Variants in RAP1GDS1 observed in about 807,000 individuals in gnomAD.
RAP1GDS1 encodes Rap1 GTPase-GDP dissociation stimulator 1.
A neutral mutation model predicts 71.1 loss-of-function variants in RAP1GDS1; 35 were observed. The ratio of observed to expected loss-of-function variants is 0.49; its 90% CI spans 0.38 to 0.65. RAP1GDS1 has a LOEUF of 0.65. Among genes scored for constraint, RAP1GDS1 ranks in the 30% least tolerant of loss-of-function variants. The probability of loss-of-function intolerance (pLI) is 0.00; values close to 1 mark genes in which losing one functional copy is unlikely to be tolerated. For missense variants in RAP1GDS1, 663 were observed against 706.1 expected (o/e 0.94, Z 0.69); for synonymous variants, 229 against 243.1 (o/e 0.94, Z 0.54).
At chr4:98,347,547 T>C (rs181630478) in intron 3 of RAP1GDS1, among the ~76,000 whole-genome samples, 53 of 152,226 alleles carry the variant, frequency 3.5e-4, no homozygotes, top group Non-Finnish European at 6.3e-4. Flanking sequence ...TTCTATGTTG[T>C]GTAGGCAAAT....
At chr4:98,345,259 T>C (rs1276509023) in intron 3 of RAP1GDS1, among the ~76,000 whole-genome samples, 1 of 152,190 alleles carries the variant, frequency 6.6e-6, no homozygotes, top group Non-Finnish European at 1.5e-5. Flanking sequence ...AACCAGAGAA[T>C]ATGAGGTTGG....
At chr4:98,299,913 C>T (rs1025182421) in intron 2 of RAP1GDS1, among the ~76,000 whole-genome samples, 1 of 152,126 alleles carries the variant, frequency 6.6e-6, no homozygotes, top group African/African-American at 2.4e-5. Context: ...GCCACTGCGC[C>T]TGGCCTCGAA....
intron 4 of RAP1GDS1, among the ~76,000 whole-genome samples, chr4:98,374,738 T>A (rs748403091): frequency 2.0e-5 from 3 of 152,176 alleles, no homozygotes; most frequent in Non-Finnish European, 4.4e-5. Context: ...ATTCCTTTAG[T>A]AGTCGGCCGT....
chr4:98,417,559 G>A, intron 9 of RAP1GDS1, 61 bp downstream of exon 9: 1 of 1,526,120 alleles, frequency 6.6e-7, no homozygotes, highest in Non-Finnish European at 9.0e-7. Context: ...TTTTTGCTTT[G>A]CTACCACATA....
intron 14 of RAP1GDS1, among the ~76,000 whole-genome samples, chr4:98,440,326 A>G (rs1751707720): frequency 6.6e-6 from 1 of 152,160 alleles, no homozygotes; most frequent in South Asian, 2.1e-4. Context: ...TCTGCTTTTA[A>G]TTATTTTTGA....
At chr4:98,432,676 A>G (rs2110214813) in intron 12 of RAP1GDS1, among the ~76,000 whole-genome samples, 1 of 152,232 alleles carries the variant, frequency 6.6e-6, no homozygotes, top group Middle Eastern at 3.4e-3. Flanking sequence ...ATATTTTAGC[A>G]AATTTGGAAA....
chr4:98,417,082 C>G (rs925011567), intron 8 of RAP1GDS1, among the ~76,000 whole-genome samples, 194 bp downstream of exon 8: 9 of 152,176 alleles, frequency 5.9e-5, no homozygotes, highest in Non-Finnish European at 1.2e-4. Context: ...AGTGTCTTCA[C>G]TATCTTCCAG....
chr4:98,408,515 AG>A (rs914868228), intron 7 of RAP1GDS1, among the ~76,000 whole-genome samples: 1 of 152,180 alleles, frequency 6.6e-6, no homozygotes, highest in Non-Finnish European at 1.5e-5. Context: ...TCCAGAGAAT[AG>A]GAAAAGGAAA....
At chr4:98,387,584 G>T in intron 5 of RAP1GDS1, 1 of 387,756 alleles carries the variant, frequency 2.6e-6, no homozygotes, top group Non-Finnish European at 5.5e-6. Flanking sequence ...CCCCCTCAGT[G>T]CCTTTCTTCC....
chr4:98,320,263 A>G (rs905748528), intron 2 of RAP1GDS1, among the ~76,000 whole-genome samples: 3 of 152,198 alleles, frequency 2.0e-5, no homozygotes, highest in Admixed American at 6.5e-5. Context: ...ATTAAATCCA[A>G]CACATATACT....
intron 1 of RAP1GDS1, among the ~76,000 whole-genome samples, chr4:98,262,688 G>GT (rs1057271404): frequency 1.3e-5 from 2 of 152,346 alleles, no homozygotes; most frequent in Admixed American, 6.5e-5. Context: ...TTCTGTGCGA[G>GT]TTATTTAAAG....
intron 12 of RAP1GDS1, among the ~76,000 whole-genome samples, chr4:98,430,556 ATT>A (rs1207396118): frequency 1.3e-5 from 2 of 152,258 alleles, no homozygotes; most frequent in Admixed American, 6.5e-5. Context: ...AATAGTAATT[ATT>A]TTTTTCTTTG....
rs575714329 is a variant in RAP1GDS1 at position 98,416,076 on chromosome 4, C to T, written c.764-669C>T. Among the ~76,000 whole-genome samples the T allele has an allele frequency of 2.0e-5, 3 of 151,996 alleles. No homozygotes were observed. The South Asian group carries it at 6.2e-4, about 32-fold the overall frequency. On this transcript the variant is annotated intron_variant, in intron 7 of 14. Coordinates refer to ENST00000408927, the MANE Select transcript of RAP1GDS1 (RefSeq NM_001100427.2). ...GGATTACAAGTGTAAGCCACCATGC[C>T]CAGCCCTATTTTATAGTATTTTATA... is the stretch of plus-strand genomic sequence containing the variant.
intron 4 of RAP1GDS1, among the ~76,000 whole-genome samples, chr4:98,378,020 TATTGA>T (rs1164555911): frequency 6.6e-6 from 1 of 151,870 alleles, no homozygotes; most frequent in Non-Finnish European, 1.5e-5. Context: ...GAGTGATATA[TATTGA>T]ATTGAATAAA....
intron 2 of RAP1GDS1, among the ~76,000 whole-genome samples, chr4:98,308,658 A>G (rs1729747431): frequency 6.6e-6 from 1 of 152,064 alleles, no homozygotes; most frequent in Non-Finnish European, 1.5e-5. Context: ...AAATACAACA[A>G]AGTTTTATAA....
chr4:98,407,236 TTCTC>T (rs1178889785), intron 7 of RAP1GDS1, among the ~76,000 whole-genome samples: 1 of 152,178 alleles, frequency 6.6e-6, no homozygotes, highest in African/African-American at 2.4e-5. Flanking sequence ...TATTTGAATC[TTCTC>T]TCTTTTTTTT....
chr4:98,298,667 C>A (rs1457482287), intron 2 of RAP1GDS1, among the ~76,000 whole-genome samples: 1 of 152,140 alleles, frequency 6.6e-6, no homozygotes, highest in Non-Finnish European at 1.5e-5. Flanking sequence ...TGACAATGCA[C>A]CTGGTCACCC....
intron 5 of RAP1GDS1, among the ~76,000 whole-genome samples, chr4:98,389,537 A>G (rs1169787936): frequency 2.0e-5 from 3 of 152,164 alleles, no homozygotes; most frequent in Admixed American, 1.3e-4. Flanking sequence ...ATGTGAGTAT[A>G]TAATGAATTT....
intron 4 of RAP1GDS1, among the ~76,000 whole-genome samples, chr4:98,362,972 G>C (rs1738966295): frequency 1.3e-5 from 2 of 152,170 alleles, no homozygotes; most frequent in South Asian, 4.1e-4. Flanking sequence ...CTCTATCCTT[G>C]TGAGGCTTTC....
Sources: allele counts gnomAD v4.1 joint callset (sites outside exome capture counted in the v4.1 genomes callset), GRCh38; gene constraint gnomAD v4.1.1; transcripts MANE v1.5; gene names NCBI Gene and HGNC (gene_info 2026-07-23, HGNC 2026-07-21).